POLB: variants seen among roughly 807,000 people sequenced by gnomAD.
The protein encoded by POLB is DNA polymerase beta.
POLB carries 37 observed loss-of-function variants against 52.7 expected under a neutral mutation model. The ratio of observed to expected loss-of-function variants is 0.70; its 90% CI spans 0.54 to 0.92. The LOEUF (loss-of-function observed/expected upper bound fraction) is 0.92, where lower values mean the gene tolerates loss of function less well. POLB is among the 40% of genes least tolerant of loss of function. The pLI is 0.00. For missense variants in POLB, 313 were observed against 400.8 expected (o/e 0.78, Z 1.87); for synonymous variants, 138 against 131.3 (o/e 1.05, Z -0.35).
chr8:42,355,062 G>C (rs748274049), intron 6 of POLB, among the ~76,000 whole-genome samples: 1 of 151,764 alleles, frequency 6.6e-6, no homozygotes, highest in Non-Finnish European at 1.5e-5. Flanking sequence ...TTTTCGAGAC[G>C]GGGTCTTGCT....
At chr8:42,342,090 T>C in intron 2 of POLB, 1 of 1,140,654 alleles carries the variant, frequency 8.8e-7, no homozygotes, top group Non-Finnish European at 1.3e-6. Context: ...AATTCCTTGC[T>C]TTCAGAATCA....
At chr8:42,362,562 C>A in intron 10 of POLB, 50 bp from the exon 11 acceptor site, 2 of 1,084,168 alleles carry the variant, frequency 1.8e-6, no homozygotes, top group Non-Finnish European at 2.8e-6. Context: ...ATTTTCTTGC[C>A]ATTACAAAGT....
chr8:42,356,721 ACTT>A (rs1780851470), intron 7 of POLB, among the ~76,000 whole-genome samples: 1 of 151,986 alleles, frequency 6.6e-6, no homozygotes, highest in Non-Finnish European at 1.5e-5. Context: ...TTTGTGACTG[ACTT>A]CTTCCACTTA....
At chr8:42,369,585 C>G in intron 12 of POLB, 1 of 519,456 alleles carries the variant, frequency 1.9e-6, no homozygotes, top group Non-Finnish European at 3.4e-6. Flanking sequence ...AAAGTCATTT[C>G]CTGCCTGGGC....
chr8:42,342,778 T>A, intron 2 of POLB: 1 of 325,538 alleles, frequency 3.1e-6, no homozygotes, highest in Non-Finnish European at 5.8e-6. Context: ...GTGGATGGCA[T>A]GAACCCAGGA....
At chr8:42,342,392 C>T (rs1448171309) in intron 2 of POLB, 28 of 1,463,942 alleles carry the variant, frequency 1.9e-5, no homozygotes, top group Non-Finnish European at 2.4e-5. Context: ...TTTGGCAGTT[C>T]GTGTGCATAT....
intron 2 of POLB, among the ~76,000 whole-genome samples, chr8:42,344,626 A>C (rs1048512505): frequency 2.0e-5 from 3 of 152,058 alleles, no homozygotes; most frequent in African/African-American, 7.2e-5. Flanking sequence ...CGAGGTCAGG[A>C]GATCGAGACC....
At chr8:42,362,779 G>A (rs533102055) in intron 11 of POLB, 81 bp downstream of exon 11, 44 of 737,096 alleles carry the variant, frequency 6.0e-5, no homozygotes, top group Admixed American at 2.5e-4. Flanking sequence ...TGACTTCATG[G>A]TAGCTTTGAA....
At chr8:42,342,378 A>G (rs1822257623) in intron 2 of POLB, 22 of 1,486,296 alleles carry the variant, frequency 1.5e-5, no homozygotes, top group Admixed American at 5.0e-5. Flanking sequence ...CCTTCACACC[A>G]TATTTTGGCA....
At chr8:42,352,341 A>G (rs1033735246) in intron 5 of POLB, among the ~76,000 whole-genome samples, 178 bp from the exon 6 acceptor site, 6 of 152,200 alleles carry the variant, frequency 3.9e-5, no homozygotes, top group Non-Finnish European at 7.4e-5. Flanking sequence ...TTGTCTTCCT[A>G]ATGATTGAAG....
At chr8:42,343,484 G>A (rs1585868833) in intron 2 of POLB, among the ~76,000 whole-genome samples, 3 of 143,790 alleles carry the variant, frequency 2.1e-5, no homozygotes, top group South Asian at 4.6e-4. Flanking sequence ...TCAAGATGGC[G>A]CCACTGCACT....
At chr8:42,342,905 A>C (rs1159307656) in intron 2 of POLB, among the ~76,000 whole-genome samples, 3 of 152,150 alleles carry the variant, frequency 2.0e-5, no homozygotes, top group Non-Finnish European at 4.4e-5. Flanking sequence ...TAGCTATCCA[A>C]GGGCTGCGTG....
intron 6 of POLB, among the ~76,000 whole-genome samples, chr8:42,353,492 A>G (rs1235711140): frequency 6.6e-6 from 1 of 152,212 alleles, no homozygotes; most frequent in Non-Finnish European, 1.5e-5. Flanking sequence ...ATTCTGTAAG[A>G]GATTTGTAAT....
intron 5 of POLB, among the ~76,000 whole-genome samples, chr8:42,352,281 G>T (rs1371194220): frequency 6.6e-6 from 1 of 152,140 alleles, no homozygotes; most frequent in African/African-American, 2.4e-5. Context: ...CTGTACATGG[G>T]CACTATGACA....
At chr8:42,364,760 A>G (rs1585915402) in intron 11 of POLB, among the ~76,000 whole-genome samples, 1 of 152,280 alleles carries the variant, frequency 6.6e-6, no homozygotes, top group South Asian at 2.1e-4. Context: ...TGTCATTCAG[A>G]AAGTAGAGTG....
intron 10 of POLB, among the ~76,000 whole-genome samples, chr8:42,362,178 T>C (rs1823738533): frequency 6.6e-6 from 1 of 151,926 alleles, no homozygotes; most frequent in African/African-American, 2.4e-5. Context: ...GAGAATCGCT[T>C]GAACCCAGGA....
At chr8:42,341,849 A>G in intron 2 of POLB, 1 of 579,802 alleles carries the variant, frequency 1.7e-6, no homozygotes, top group South Asian at 1.6e-5. Context: ...AGCAAGGGAC[A>G]TTTTGGGATG....
intron 2 of POLB, 119 bp from the exon 3 acceptor site, chr8:42,344,834 A>C: frequency 1.5e-6 from 1 of 675,516 alleles, no homozygotes; most frequent in Non-Finnish European, 2.6e-6. Flanking sequence ...AAAAAAGAAA[A>C]TTAGTTATCT....
intron 11 of POLB, among the ~76,000 whole-genome samples, chr8:42,363,662 T>G (rs1823863267): frequency 6.6e-6 from 1 of 152,074 alleles, no homozygotes; most frequent in African/African-American, 2.4e-5. Context: ...CTTCTCTGAT[T>G]CAGAATTCTT....
Sources: gnomAD v4.1 joint callset for allele counts (sites outside exome capture counted in the v4.1 genomes callset) on GRCh38, gnomAD v4.1.1 for gene constraint, MANE v1.5 for transcripts, NCBI Gene and HGNC (gene_info 2026-07-23, HGNC 2026-07-21) for gene names.